The following PCDHA1 variants were observed in gnomAD, a reference collection of about 807,000 sequenced individuals.
PCDHA1 encodes protocadherin alpha 1.
In PCDHA1, 42 loss-of-function variants were observed where a neutral mutation model predicts 61.3. The observed-to-expected ratio is 0.69, with a 90% confidence interval of 0.54 to 0.89. PCDHA1 has a LOEUF of 0.89. PCDHA1 is among the 40% of genes least tolerant of loss of function. PCDHA1 has a pLI of 0.00. For missense variants in PCDHA1, 1,256 were observed against 1,235.3 expected (o/e 1.02, Z -0.25); for synonymous variants, 610 against 553.8 (o/e 1.10, Z -1.43).
At position 140,869,155 on chromosome 5, in the gene PCDHA1, C is replaced by G. The variant is rs74664704; in HGVS notation, c.2394+80471C>G. On this transcript the variant is annotated intron_variant, in intron 1 of 3. Transcript: ENST00000504120. The stretch of plus-strand genomic sequence containing the variant: ...GGGCACCCCACGACTACAGCTCTGG[C>G]TTCTCCTCCTCGAATTCTGGGAGGT... 3.7e-4 allele frequency: 593 copies of G among 1,613,808 alleles called. 1 individual carries two copies. In the African/African-American group the frequency reaches 7.1e-3, roughly 19 times the overall value.
intron 1 of PCDHA1, chr5:140,841,186 T>C (rs1554138025): frequency 1.7e-6 from 2 of 1,195,696 alleles, no homozygotes; most frequent in Non-Finnish European, 2.3e-6. Flanking sequence ...ATGTTCAAAG[T>C]CTTTTCTCTG....
At position 140,788,433 on chromosome 5, in the gene PCDHA1, C is replaced by T. The variant is rs375107760; in HGVS notation, c.2143C>T (p.Leu715=). The T allele has an allele frequency of 6.8e-4, 1,092 of 1,614,162 alleles. 9 individuals are homozygous for T. Among genetic ancestry groups the T allele is most frequent in the East Asian group, 3.6e-4 (16 of 44,874 alleles). The change falls in exon 1 of 4, where the codon CTG becomes TTG. Residue 715 remains leucine (L), a synonymous_variant. Coordinates refer to ENST00000504120, the MANE Select transcript of PCDHA1 (RefSeq NM_018900.4). ...CAVSSLLVLT[L]LLYTALRCSV... is the part of the protein sequence containing the mutation. ...GGTGTCCAGCCTGCTGGTGCTCACA[C>T]TGCTGCTGTACACGGCGCTGCGGTG... is the stretch of plus-strand genomic sequence containing the variant.
chr5:140,884,198 C>G, intron 1 of PCDHA1: 1 of 1,613,442 alleles, frequency 6.2e-7, no homozygotes, highest in Non-Finnish European at 8.5e-7. Flanking sequence ...GGACGCGCCG[C>G]ACCACCGCCT....
rs782046977 is a variant in PCDHA1 at position 140,968,811 on chromosome 5, A to T, written c.2395-10138A>T. The T allele has an allele frequency of 5.0e-6, 8 of 1,614,086 alleles. No homozygotes were observed. The African/African-American group carries it at 6.7e-5, about 13-fold the overall frequency. The stretch of plus-strand genomic sequence containing the variant: ...GTGGCCATTACAGTAGCTGTGGTGG[A>T]TAGGGTTTCCAAAATCCTCCCTGAC... On this transcript the variant is annotated intron_variant, in intron 1 of 3. Coordinates refer to ENST00000504120, the MANE Select transcript of PCDHA1 (RefSeq NM_018900.4).
At chr5:140,904,018 A>G (rs2070774543) in intron 1 of PCDHA1, among the ~76,000 whole-genome samples, 1 of 152,198 alleles carries the variant, frequency 6.6e-6, no homozygotes. Context: ...TTAAAAAATA[A>G]TGGTATAATT....
chr5:140,870,028 T>A, intron 1 of PCDHA1: 1 of 1,613,550 alleles, frequency 6.2e-7, no homozygotes, highest in Non-Finnish European at 8.5e-7. Flanking sequence ...AACTTTAGAT[T>A]ATGAAGAAAA....
chr5:140,884,506 G>T (rs10076265), intron 1 of PCDHA1: 2 of 1,614,054 alleles, frequency 1.2e-6, no homozygotes, highest in Admixed American at 3.3e-5. Flanking sequence ...GCGCGGCAGG[G>T]AGTTGGTCGT....
chr5:140,999,019 A>C (rs782524233), intron 3 of PCDHA1, among the ~76,000 whole-genome samples: 1 of 152,208 alleles, frequency 6.6e-6, no homozygotes, highest in Non-Finnish European at 1.5e-5. Context: ...TGAACCCAAG[A>C]CTTTTGATAC....
chr5:140,817,766 AT>A (rs2150099006), intron 1 of PCDHA1, among the ~76,000 whole-genome samples: 8 of 152,166 alleles, frequency 5.3e-5, no homozygotes, highest in Non-Finnish European at 1.2e-4. Context: ...AGAAATTAAC[AT>A]TTCCTTTAGT....
chr5:140,894,138 T>A (rs1224822611), intron 1 of PCDHA1, among the ~76,000 whole-genome samples: 2 of 152,112 alleles, frequency 1.3e-5, no homozygotes, highest in Non-Finnish European at 2.9e-5. Flanking sequence ...TTGAAATAAT[T>A]CCCTTCTATG....
At chr5:140,809,005 G>C in intron 1 of PCDHA1, 2 of 1,613,694 alleles carry the variant, frequency 1.2e-6, no homozygotes. Flanking sequence ...ACAACGCGTG[G>C]CTTTCGTACG....
intron 1 of PCDHA1, among the ~76,000 whole-genome samples, chr5:140,905,080 C>G (rs2071583789): frequency 6.6e-6 from 1 of 152,128 alleles, no homozygotes; most frequent in Non-Finnish European, 1.5e-5. Flanking sequence ...GTTGCACTTT[C>G]TTTTGGGTTC....
chr5:140,828,508 A>G (rs2150156206), intron 1 of PCDHA1: 4 of 1,614,216 alleles, frequency 2.5e-6, no homozygotes, highest in Non-Finnish European at 3.4e-6. Flanking sequence ...AGGAACAAAG[A>G]GTGCTGATTT....
At chr5:140,836,159 GA>G in intron 1 of PCDHA1, 1 of 1,613,838 alleles carries the variant, frequency 6.2e-7, no homozygotes, top group Non-Finnish European at 8.5e-7. Context: ...ATGTGGTGGC[GA>G]AGGTACGTGC....
At chr5:140,823,016 G>A (rs2150121334) in intron 1 of PCDHA1, 8 of 1,614,216 alleles carry the variant, frequency 5.0e-6, no homozygotes, top group East Asian at 2.2e-5. Context: ...GCCCTGGACC[G>A]CGAGAGCGTG....
At chr5:140,904,214 C>T (rs2070953663) in intron 1 of PCDHA1, among the ~76,000 whole-genome samples, 1 of 151,882 alleles carries the variant, frequency 6.6e-6, no homozygotes, top group South Asian at 2.1e-4. Flanking sequence ...TCCCCAAAGT[C>T]CATTGTATTA....
intron 1 of PCDHA1, among the ~76,000 whole-genome samples, chr5:140,955,517 C>T (rs1554221970): frequency 6.6e-6 from 1 of 152,154 alleles, no homozygotes; most frequent in African/African-American, 2.4e-5. Flanking sequence ...TGTTTGCTTT[C>T]CCTTCCACCA....
chr5:140,877,908 T>G (rs1554170220), intron 1 of PCDHA1: 2 of 1,433,428 alleles, frequency 1.4e-6, no homozygotes, highest in East Asian at 2.5e-5. Context: ...ATAACTACAT[T>G]CTCTCATTTT....
intron 1 of PCDHA1, chr5:140,927,988 G>A (rs782075633): frequency 6.2e-6 from 10 of 1,614,200 alleles, no homozygotes; most frequent in South Asian, 1.1e-5. Flanking sequence ...TAGTGTAAAG[G>A]ATGAAGACCT....
Sources: gnomAD v4.1 joint callset for allele counts (sites outside exome capture counted in the v4.1 genomes callset) on GRCh38, gnomAD v4.1.1 for gene constraint, MANE v1.5 for transcripts, NCBI Gene and HGNC (gene_info 2026-07-23, HGNC 2026-07-21) for gene names.